PSME4: variants seen among roughly 807,000 people sequenced by gnomAD.
PSME4 encodes the protein proteasome activator subunit 4, also known as proteasome activator complex subunit 4.
PSME4 carries 89 observed loss-of-function variants against 253.9 expected under a neutral mutation model. The ratio of observed to expected loss-of-function variants is 0.35; its 90% CI spans 0.30 to 0.42. PSME4 has a LOEUF of 0.42. PSME4 is among the 10% of genes least tolerant of loss of function. The pLI is 1.00. For missense variants in PSME4, 2,014 were observed against 2,195.2 expected, an observed-to-expected ratio of 0.92 and a Z score of 1.65; for synonymous variants, 851 against 759.2, an observed-to-expected ratio of 1.12 and a Z score of -1.99.
intron 27 of PSME4, among the ~76,000 whole-genome samples, 165 bp downstream of exon 27, chr2:53,903,860 G>T (rs943750523): frequency 8.4e-6 from 1 of 118,888 alleles, no homozygotes; most frequent in Non-Finnish European, 1.8e-5. Context: ...AATTTACTTT[G>T]AAATACATTA....
At chr2:53,920,410 C>T in intron 18 of PSME4, 60 bp from the exon 19 acceptor site, 1 of 1,441,644 alleles carries the variant, frequency 6.9e-7, no homozygotes, top group East Asian at 2.3e-5. Flanking sequence ...ACAACAAACC[C>T]ACATACATAT....
At chr2:53,878,808 C>G (rs1467130640) in intron 41 of PSME4, among the ~76,000 whole-genome samples, 1 of 152,182 alleles carries the variant, frequency 6.6e-6, no homozygotes, top group Non-Finnish European at 1.5e-5. Flanking sequence ...ACAATGTGTG[C>G]CCGAAACTTA....
chr2:53,907,410 A>G (rs1680710151), intron 24 of PSME4, among the ~76,000 whole-genome samples: 1 of 152,102 alleles, frequency 6.6e-6, no homozygotes, highest in South Asian at 2.1e-4. Context: ...TAAGCCCCCC[A>G]ATTCTACCAT....
chr2:53,872,446 T>A (rs1678919829), intron 43 of PSME4, among the ~76,000 whole-genome samples: 1 of 152,176 alleles, frequency 6.6e-6, no homozygotes, highest in African/African-American at 2.4e-5. Flanking sequence ...TGGTTATGTT[T>A]ATATAACAGC....
chr2:53,888,067 T>G, intron 38 of PSME4, 78 bp from the exon 39 acceptor site: 1 of 1,385,558 alleles, frequency 7.2e-7, no homozygotes. Flanking sequence ...AGACAATATC[T>G]GTATTTCACT....
In PSME4 at chr2:53,936,173, C is replaced by T. The variant is rs776382001; in HGVS notation, c.760-12G>A. The stretch of plus-strand genomic sequence containing the variant: ...AGATTTACTAGTTGCTGAAAGTAAA[C>T]AAAAAGGACAAAGTTAATATATTTG... On this transcript the variant is annotated splice_polypyrimidine_tract_variant and intron_variant, in intron 6 of 46. Transcript: ENST00000404125. 5 of 1,612,174 alleles carry T rather than the reference C, an allele frequency of 3.1e-6. No individual in the cohort carries two copies. In the Admixed American group the frequency reaches 6.7e-5, roughly 22 times the overall value.
At chr2:53,949,986 A>G (rs1333947228) in intron 1 of PSME4, among the ~76,000 whole-genome samples, 3 of 152,356 alleles carry the variant, frequency 2.0e-5, no homozygotes, top group South Asian at 4.1e-4. Flanking sequence ...CAATTGAGAC[A>G]TAACCAGGCC....
chr2:53,941,982 A>G (rs936491864), intron 3 of PSME4, among the ~76,000 whole-genome samples: 1 of 152,124 alleles, frequency 6.6e-6, no homozygotes, highest in Admixed American at 6.5e-5. Flanking sequence ...ACGCTTCAGA[A>G]GAATAGGAAG....
Position 53,876,265 on chromosome 2 carries a change from C to T in PSME4, c.4816-510G>A, listed in dbSNP as rs925808750. Among the ~76,000 whole-genome samples the T allele has an allele frequency of 3.9e-5, 6 of 152,088 alleles. No homozygotes were observed. The South Asian group carries it at 8.3e-4, about 21-fold the overall frequency. On this transcript the variant is annotated intron_variant, in intron 41 of 46. Coordinates refer to ENST00000404125, the MANE Select transcript of PSME4 (RefSeq NM_014614.3). ...CTCTTTCAATGCATATATTCCCCCCCGCAACTATCTTAAAATCCCTTGCTC... is the reference window on the plus strand; with the variant it reads ...CTCTTTCAATGCATATATTCCCCCCTGCAACTATCTTAAAATCCCTTGCTC...
intron 27 of PSME4, 31 bp downstream of exon 27, chr2:53,903,994 T>A: frequency 6.4e-7 from 1 of 1,556,498 alleles, no homozygotes; most frequent in East Asian, 2.3e-5. Flanking sequence ...TTTGAAAATG[T>A]TTACAGTAAA....
chr2:53,868,573 TA>T (rs1231149180), intron 44 of PSME4, among the ~76,000 whole-genome samples: 3 of 129,286 alleles, frequency 2.3e-5, no homozygotes, highest in African/African-American at 9.2e-5. Context: ...TAATATATAT[TA>T]TAAAATATAT....
At chr2:53,922,089 G>A (rs1006146057) in intron 17 of PSME4, among the ~76,000 whole-genome samples, 27 of 151,908 alleles carry the variant, frequency 1.8e-4, no homozygotes, top group Non-Finnish European at 2.5e-4. Context: ...GGAGAATGGC[G>A]TGAAGCTGGG....
intron 1 of PSME4, among the ~76,000 whole-genome samples, chr2:53,963,317 C>A (rs1350193222): frequency 4.0e-5 from 6 of 151,854 alleles, no homozygotes; most frequent in African/African-American, 1.4e-4. Flanking sequence ...GGTAAGAGAC[C>A]AAGACCATCT....
chr2:53,877,365 A>G lies in PSME4; in HGVS notation c.4816-1610T>C, dbSNP rs148435208. Among the ~76,000 whole-genome samples the G allele has an allele frequency of 9.1e-4, 138 of 151,940 alleles. No homozygotes were observed. In the East Asian group the frequency reaches 0.025, roughly 27 times the overall value. ...GAGTTCAAGGTTACAGTGAGCTATG[A>G]TCACAGCACTGCACTCTAGCCAGGG... On this transcript the variant is annotated intron_variant, in intron 41 of 46. Coordinates refer to ENST00000404125, the MANE Select transcript of PSME4 (RefSeq NM_014614.3).
chr2:53,949,831 T>C (rs981273146), intron 1 of PSME4, among the ~76,000 whole-genome samples: 4 of 152,232 alleles, frequency 2.6e-5, no homozygotes, highest in Non-Finnish European at 5.9e-5. Flanking sequence ...TACTGTATTG[T>C]ACAGTTAAAA....
intron 38 of PSME4, 112 bp from the exon 39 acceptor site, chr2:53,888,101 TAATA>T (rs1316187892): frequency 8.6e-6 from 9 of 1,050,992 alleles, no homozygotes; most frequent in Non-Finnish European, 1.0e-5. Flanking sequence ...TTTTTTCACT[TAATA>T]AATACTACAA....
rs747925367 is a variant in PSME4, at chr2:53,874,368, T to C, written c.5071A>G (p.Ile1691Val). 2.5e-6 allele frequency: 4 copies of C among 1,613,616 alleles called. No individual in the cohort carries two copies. Among genetic ancestry groups the C allele is most frequent in the South Asian group, 1.1e-5 (1 of 90,982 alleles). ...DAVKDIRWLV[I>V]SLLEDEQLEV... ...AGTTGTTCGTCCTCCAAAAGACTTATAACCAGCCACCTGATATCTTTAACT... is the reference window on the plus strand; with the variant it reads ...AGTTGTTCGTCCTCCAAAAGACTTACAACCAGCCACCTGATATCTTTAACT... The change falls in exon 43 of 47, where the codon ATA becomes GTA. Residue 1691 changes from isoleucine to valine, a missense_variant. Ile to Val is a conservative substitution (Grantham distance 29). Transcript: ENST00000404125.
In PSME4 at chr2:53,918,396, C is replaced by G. The variant is rs1668152452; in HGVS notation, c.2516+755G>C. Among the ~76,000 whole-genome samples the G allele has an allele frequency of 3.3e-5, 5 of 152,058 alleles. No homozygotes were observed. The South Asian group carries it at 1.0e-3, about 31-fold the overall frequency. On this transcript the variant is annotated intron_variant, in intron 20 of 46. Coordinates refer to ENST00000404125, the MANE Select transcript of PSME4 (RefSeq NM_014614.3). ...TGAGACAGGGTCTCACTCTATTGCC[C>G]AGGCTAGAGTGCAGCAGCATGATCT...
Position 53,898,412 on chromosome 2 carries a change from A to G in PSME4, c.3423-58T>C, listed in dbSNP as rs146787613. ...TAATACTAAAATGAACATCAAAAAT[A>G]TAATAGAAATTCAAATTCTAGCCAA... On this transcript the variant is annotated intron_variant, in intron 29 of 46. Coordinates refer to ENST00000404125, the MANE Select transcript of PSME4 (RefSeq NM_014614.3). The G allele has an allele frequency of 2.6e-4, 338 of 1,309,064 alleles. 1 individual carries two copies. In the African/African-American group the frequency reaches 4.7e-3, roughly 18 times the overall value. 81.1% of individuals were successfully genotyped at this position (1,309,064 alleles called of 1,614,324 possible).
Sources: allele counts gnomAD v4.1 joint callset (sites outside exome capture counted in the v4.1 genomes callset), GRCh38; gene constraint gnomAD v4.1.1; transcripts MANE v1.5; gene names NCBI Gene and HGNC (gene_info 2026-07-23, HGNC 2026-07-21).